Variants in NUTM2F observed in about 807,000 individuals in gnomAD.
NUTM2F encodes the protein family with sequence similarity 22, member F.
In NUTM2F, 22 loss-of-function variants were observed where a neutral mutation model predicts 43.3. The observed-to-expected ratio is 0.51, with a 90% CI of 0.36 to 0.73. The LOEUF is 0.73. Among genes scored for constraint, NUTM2F ranks in the 30% least tolerant of loss-of-function variants. The pLI, the probability that NUTM2F is intolerant of heterozygous loss-of-function variation, is 0.00. For synonymous variants in NUTM2F, 202 were observed against 389.0 expected, an observed-to-expected ratio of 0.52 and a Z score of 5.66; for missense variants, 488 against 927.4, an observed-to-expected ratio of 0.53 and a Z score of 6.15.
rs767402497 is a variant in NUTM2F, at chr9:94,322,280, C to T, written c.763G>A (p.Glu255Lys). 2 of 1,612,072 alleles carry T rather than the reference C, an allele frequency of 1.2e-6. No individual in the cohort carries two copies. The highest frequency in any genetic ancestry group is 1.7e-6 in the Non-Finnish European group (2 of 1,179,874). ...ARRKPTMTLE[E>K]GLWQAMREWQ... ...TCCCGCATGGCCTGCCACAGTCCCT[C>T]CTCCAGCGTCATGGTGGGCTTCCGC... The change falls in exon 3 of 7, where the codon GAG (glutamate) becomes AAG (lysine). Residue 255 changes from glutamate (E) to lysine (K), a missense_variant. Physicochemically the swap from Glu to Lys is moderately conservative, Grantham distance 56. Transcript: ENST00000253262.
intron 1 of NUTM2F, among the ~76,000 whole-genome samples, chr9:94,327,006 C>T (rs1831458845): frequency 6.7e-6 from 1 of 150,132 alleles, no homozygotes; most frequent in Non-Finnish European, 1.5e-5. Context: ...GAGATATTGT[C>T]ATTGTGTAGC....
chr9:94,327,231 G>T (rs1198645769), intron 1 of NUTM2F, among the ~76,000 whole-genome samples: 1 of 151,578 alleles, frequency 6.6e-6, no homozygotes, highest in Non-Finnish European at 1.5e-5. Flanking sequence ...AGCCTCCTGA[G>T]TAGCTGGGAT....
chr9:94,324,919 G>A (rs149783503), intron 2 of NUTM2F, among the ~76,000 whole-genome samples: 9,628 of 143,294 alleles, frequency 0.067, 825 homozygotes, highest in African/African-American at 0.19. Context: ...CCCGGGAGGC[G>A]GAGGTTGTGA....
Position 94,320,243 on chromosome 9 carries a change from C to A in NUTM2F, c.1333G>T (p.Asp445Tyr). The stretch of plus-strand genomic sequence containing the variant: ...AAGTCTTCCTGGGAACACAGCTTGT[C>A]AATGTAGCTCAGGAGGCCCGGGTCT... ...TSDPGLLSYIDKLCSQEDFVT... is the reference protein window; with the variant it reads ...TSDPGLLSYIYKLCSQEDFVT... Residue 445 changes from aspartate (D) to tyrosine (Y), a missense_variant, in exon 5 of 7, where the codon GAC (aspartate) becomes TAC (tyrosine). Transcript: ENST00000253262. This position sits in a 1 kb window ranked among gnomAD's most constrained non-coding sequence, Gnocchi z 4.5. 1 of 1,613,940 alleles carries A rather than the reference C, an allele frequency of 6.2e-7. No individual in the cohort carries two copies. Among genetic ancestry groups the A allele is most frequent in the Admixed American group, 1.7e-5 (1 of 60,016 alleles).
In NUTM2F at chr9:94,320,534, G is replaced by A. The variant is rs1212119767; in HGVS notation, c.1042C>T (p.Pro348Ser). 1.2e-6 allele frequency: 2 copies of A among 1,611,268 alleles called. No homozygotes were observed. The highest frequency in any genetic ancestry group is 4.5e-5 in the East Asian group (2 of 44,864). The change falls in exon 5 of 7, where the codon CCC becomes TCC. Residue 348 changes from proline to serine, a missense_variant. Transcript: ENST00000253262. The surrounding 1 kb of genome is among the most constrained non-coding windows in gnomAD (Gnocchi z 4.5). ...GCCTTGGTCTCCGCTGGCCTCTGGG[G>A]CCTGGGTGGTGGCAGGCAGGCAGTC... ...APTACLPPPR[P>S]QRPAETKAHL...
intron 1 of NUTM2F, among the ~76,000 whole-genome samples, chr9:94,326,913 C>T (rs1232520724): frequency 6.6e-6 from 1 of 150,798 alleles, no homozygotes; most frequent in Non-Finnish European, 1.5e-5. Context: ...GCCACCCATT[C>T]CTCAGTGCTC....
Position 94,325,187 on chromosome 9 carries a change from C to T in NUTM2F, c.713+51G>A, listed in dbSNP as rs1019113261. On this transcript the variant is annotated intron_variant, in intron 2 of 6. Transcript: ENST00000253262. ...TGTGACCTCCTGTCCATCCAGCAGCCTCTTTATGAGTGAGCTGCAGGACAA... is the reference window on the plus strand; with the variant it reads ...TGTGACCTCCTGTCCATCCAGCAGCTTCTTTATGAGTGAGCTGCAGGACAA... 24 of 588,916 alleles carry T rather than the reference C, an allele frequency of 4.1e-5. 1 individual carries two copies. The highest frequency in any genetic ancestry group is 1.6e-4 in the African/African-American group (7 of 42,846). The allele number at this position is 588,916 out of a possible 1,614,324, so 36.5% of individuals were successfully genotyped here.
At chr9:94,325,028 A>G (rs185865784) in intron 2 of NUTM2F, among the ~76,000 whole-genome samples, 1 of 141,388 alleles carries the variant, frequency 7.1e-6, no homozygotes, top group East Asian at 2.0e-4. Flanking sequence ...GACTCACGGG[A>G]CAGTGACAGG....
intron 1 of NUTM2F, among the ~76,000 whole-genome samples, chr9:94,327,106 CT>C (rs374345559): frequency 0.27 from 29,122 of 108,716 alleles, 4,116 homozygotes; most frequent in East Asian, 0.5. Context: ...TCTTTTTTTT[CT>C]TTTTTTTTTT....
chr9:94,320,197 G>C lies in NUTM2F; in HGVS notation c.1368+11C>G. The C allele has an allele frequency of 6.2e-7, 1 of 1,611,414 alleles. No homozygotes were observed. Among genetic ancestry groups the C allele is most frequent in the Non-Finnish European group, 8.5e-7 (1 of 1,178,774 alleles). Reference sequence around the variant, plus strand: ...GAATCCTACAGACCACAGCACTCCAGGCAAGCCCACCTTGGTGACAAAGTC... The same window carrying C: ...GAATCCTACAGACCACAGCACTCCACGCAAGCCCACCTTGGTGACAAAGTC... On this transcript the variant is annotated intron_variant, in intron 5 of 6. Transcript: ENST00000253262. The surrounding 1 kb of genome is among the most constrained non-coding windows in gnomAD (Gnocchi z 4.5).
At chr9:94,326,838 C>T (rs1440746194) in intron 1 of NUTM2F, among the ~76,000 whole-genome samples, 1 of 151,946 alleles carries the variant, frequency 6.6e-6, no homozygotes, top group Non-Finnish European at 1.5e-5. Context: ...TAACACATCA[C>T]GCCCAGCATG....
At position 94,325,680 on chromosome 9, in the gene NUTM2F, G is replaced by T. The variant is rs1014015043; in HGVS notation, c.271C>A (p.Pro91Thr). 14 of 1,610,896 alleles carry T rather than the reference G, an allele frequency of 8.7e-6. No individual in the cohort carries two copies. The Admixed American group carries it at 1.5e-4, about 17-fold the overall frequency. ...VFVQMRTEVG[P>T]VKPPQAQTLI... ...GTCTGTGCCTGAGGGGGCTTCACAG[G>T]CCCCACTTCTGTCCTCATCTGGACA... is the stretch of plus-strand genomic sequence containing the variant. Residue 91 changes from proline (P) to threonine (T), a missense_variant, in exon 2 of 7, where the codon CCT (proline) becomes ACT (threonine). Transcript: ENST00000253262.
intron 2 of NUTM2F, among the ~76,000 whole-genome samples, chr9:94,323,053 G>A (rs1831398792): frequency 6.6e-6 from 1 of 152,100 alleles, no homozygotes; most frequent in Non-Finnish European, 1.5e-5. Flanking sequence ...CACAGCCTCA[G>A]GGTCCTGGAG....
At chr9:94,326,461 A>G (rs1297812270) in intron 1 of NUTM2F, among the ~76,000 whole-genome samples, 1 of 151,728 alleles carries the variant, frequency 6.6e-6, no homozygotes, top group South Asian at 2.1e-4. Context: ...AAAGAAAACC[A>G]CTGGATAGGC....
intron 1 of NUTM2F, among the ~76,000 whole-genome samples, chr9:94,326,729 G>A (rs1412566119): frequency 3.4e-5 from 4 of 117,302 alleles, no homozygotes; most frequent in African/African-American, 1.3e-4. Flanking sequence ...GGGTGACAGA[G>A]CGAGACTCCG....
chr9:94,322,151 T>C lies in NUTM2F; in HGVS notation c.842+50A>G, dbSNP rs752965046. On this transcript the variant is annotated intron_variant, in intron 3 of 6. Coordinates refer to ENST00000253262, the MANE Select transcript of NUTM2F (RefSeq NM_017561.2). ...CACCACGGCCACCGGGCCTCTGTCA[T>C]TCACTCTCACCCCGCCACACGGGCC... 2.5e-6 allele frequency: 4 copies of C among 1,610,622 alleles called. No homozygotes were observed. In the South Asian group the frequency reaches 3.3e-5, roughly 13 times the overall value.
At chr9:94,323,723 C>A (rs1251576963) in intron 2 of NUTM2F, among the ~76,000 whole-genome samples, 1 of 152,188 alleles carries the variant, frequency 6.6e-6, no homozygotes, top group East Asian at 1.9e-4. Context: ...GAATGAAACA[C>A]CATTGTCCTT....
rs2479580 is a variant in NUTM2F at position 94,325,851 on chromosome 9, C to T, written c.100G>A (p.Ala34Thr). 18 of 1,611,808 alleles carry T rather than the reference C, an allele frequency of 1.1e-5. No individual in the cohort carries two copies. The highest frequency in any genetic ancestry group is 3.3e-5 in the South Asian group (3 of 90,988). The stretch of plus-strand genomic sequence containing the variant: ...GGCGGCCTGTGTGCTGGGCCGGGAG[C>T]GGGTGTGGCAAAGGGCAGAGCCGTG... Reference protein sequence around the residue: ...VFTALPFATPAPGPAHRPPLV... With the variant: ...VFTALPFATPTPGPAHRPPLV... Residue 34 changes from alanine to threonine, a missense_variant, in exon 2 of 7, where the codon GCT (alanine) becomes ACT (threonine). Transcript: ENST00000253262.
At chr9:94,324,224 C>T (rs147434883) in intron 2 of NUTM2F, among the ~76,000 whole-genome samples, 3,976 of 151,926 alleles carry the variant, frequency 0.026, 164 homozygotes, top group African/African-American at 0.09. Context: ...GAGCCAAGAT[C>T]TCACCATTGC....
Sources: allele counts gnomAD v4.1 joint callset (sites outside exome capture counted in the v4.1 genomes callset), GRCh38; gene constraint gnomAD v4.1.1; non-coding constraint Gnocchi (gnomAD v3.1); transcripts MANE v1.5; gene names NCBI Gene and HGNC (gene_info 2026-07-23, HGNC 2026-07-21).